Variants in MMGT1 observed in about 807,000 individuals in gnomAD.
MMGT1 encodes the protein ER membrane protein complex subunit 5.
A neutral mutation model predicts 11.7 loss-of-function variants in MMGT1; 2 were observed. The ratio of observed to expected loss-of-function variants is 0.17; its 90% CI spans 0.07 to 0.54. MMGT1 has a LOEUF of 0.54. Among genes scored for constraint, MMGT1 ranks in the 20% least tolerant of loss-of-function variants. The probability of loss-of-function intolerance (pLI) is 0.94; values close to 1 mark genes in which losing one functional copy is unlikely to be tolerated. For synonymous variants in MMGT1, 49 were observed against 44.4 expected (o/e 1.10, Z -0.41); for missense variants, 74 against 109.0 (o/e 0.68, Z 1.43).
rs370989215 is a variant in MMGT1, at chrX:135,961,613, T to C, written c.*3411A>G. On this transcript the variant is annotated 3_prime_UTR_variant, in exon 4 of 4. Transcript: ENST00000305963. ...CCTAGGTAGGTTTGAATACCGGTGG[T>C]GTTATTTTTCAAAATACTGTAGATA... Among the ~76,000 whole-genome samples the C allele has an allele frequency of 1.1e-4, 12 of 111,765 alleles. No individual in the cohort carries two copies. Among genetic ancestry groups the C allele is most frequent in the African/African-American group, 2.6e-4 (8 of 30,782 alleles).
intron 2 of MMGT1, among the ~76,000 whole-genome samples, chrX:135,970,282 GCT>G (rs1556612467): frequency 1.3e-4 from 14 of 110,268 alleles, no homozygotes; most frequent in African/African-American, 4.3e-4. Flanking sequence ...AAGGATAATT[GCT>G]TGAACCTGGG....
intron 1 of MMGT1, among the ~76,000 whole-genome samples, 162 bp from the exon 2 acceptor site, chrX:135,971,272 AAAACTT>A (rs1388368101): frequency 2.7e-5 from 3 of 111,591 alleles, no homozygotes; most frequent in Non-Finnish European, 3.8e-5. Flanking sequence ...CATGTACCCT[AAAACTT>A]AAAGTATAAT....
At chrX:135,969,098 T>C (rs1462869122) in intron 2 of MMGT1, among the ~76,000 whole-genome samples, 1 of 109,746 alleles carries the variant, frequency 9.1e-6, no homozygotes, top group African/African-American at 3.3e-5. Flanking sequence ...TATGGGCATG[T>C]TCAGATTATA....
At position 135,970,983 on chromosome X, in the gene MMGT1, G is replaced by GT. The variant is rs782750671; in HGVS notation, c.132+74dup. The GT allele has an allele frequency of 2.8e-4, 201 of 720,900 alleles. No homozygotes were observed. The African/African-American group carries it at 3.1e-3, about 11-fold the overall frequency. 59.4% of individuals were successfully genotyped at this position (720,900 alleles called of 1,213,427 possible). On this transcript the variant is annotated intron_variant, in intron 2 of 3. Coordinates refer to ENST00000305963, the MANE Select transcript of MMGT1 (RefSeq NM_173470.3). Reference sequence around the variant, plus strand: ...GTCTGAAAAATTTTACGAAAAACCAGTAAAAAAAAAATTATTACAAGCTAT... The same window carrying GT: ...GTCTGAAAAATTTTACGAAAAACCAGTTAAAAAAAAAATTATTACAAGCTAT...
rs2148122007 is a variant in MMGT1 at position 135,973,967 on chromosome X, G to T, written c.-292C>A. On this transcript the variant is annotated 5_prime_UTR_variant, in exon 1 of 4. Coordinates refer to ENST00000305963, the MANE Select transcript of MMGT1 (RefSeq NM_173470.3). ...AGTCATAAACGAAGAGGCGAAAGCGGGAGCTACGGGGAAGCGAAGAGGAAG... is the reference window on the plus strand; with the variant it reads ...AGTCATAAACGAAGAGGCGAAAGCGTGAGCTACGGGGAAGCGAAGAGGAAG... 7.6e-6 allele frequency: 8 copies of T among 1,054,874 alleles called. No homozygotes were observed. The highest frequency in any genetic ancestry group is 1.0e-5 in the Non-Finnish European group (8 of 797,722). The allele number at this position is 1,054,874 out of a possible 1,213,427, so 86.9% of individuals were successfully genotyped here. A position where few individuals can be genotyped will look rare whatever the true frequency, so the allele number is the denominator to read the frequency against.
At chrX:135,970,871 T>C (rs377735168) in intron 2 of MMGT1, among the ~76,000 whole-genome samples, 187 bp downstream of exon 2, 13 of 111,570 alleles carry the variant, frequency 1.2e-4, no homozygotes, top group African/African-American at 4.2e-4. Context: ...ATCAGGCCAC[T>C]GCACTCCAGC....
intron 3 of MMGT1, 23 bp downstream of exon 3, chrX:135,967,367 C>T (rs1556612085): frequency 5.5e-6 from 5 of 913,792 alleles, no homozygotes. Flanking sequence ...AAATGCAATG[C>T]CTATGAAAAG....
intron 1 of MMGT1, among the ~76,000 whole-genome samples, chrX:135,973,203 C>G (rs1365578093): frequency 8.9e-6 from 1 of 111,851 alleles, no homozygotes; most frequent in African/African-American, 3.3e-5. Context: ...ACTACTCAGT[C>G]TCTGCCTGGA....
At position 135,962,484 on chromosome X, in the gene MMGT1, T is replaced by A. The variant is rs1556611516; in HGVS notation, c.*2540A>T. On this transcript the variant is annotated 3_prime_UTR_variant, in exon 4 of 4. Coordinates refer to ENST00000305963, the MANE Select transcript of MMGT1 (RefSeq NM_173470.3). ...CATATTTTTGAACTACCCTAGGCAA[T>A]AATTGACTGTCTCACAGTACTGTAG... is the stretch of plus-strand genomic sequence containing the variant. 1 of 112,127 alleles carries A rather than the reference T, an allele frequency of 8.9e-6. No individual in the cohort carries two copies. Among genetic ancestry groups the A allele is most frequent in the African/African-American group, 3.2e-5 (1 of 30,825 alleles). 9.2% of individuals were successfully genotyped at this position (112,127 alleles called of 1,213,427 possible).
At chrX:135,970,081 C>T (rs1343612863) in intron 2 of MMGT1, among the ~76,000 whole-genome samples, 4 of 111,922 alleles carry the variant, frequency 3.6e-5, no homozygotes, top group African/African-American at 1.3e-4. Flanking sequence ...AAACACTTTC[C>T]TGGTCGGGCG....
chrX:135,967,636 G>T, intron 2 of MMGT1, 143 bp from the exon 3 acceptor site: 1 of 397,133 alleles, frequency 2.5e-6, no homozygotes, highest in East Asian at 4.3e-5. Flanking sequence ...TGAAATGACT[G>T]GGATTCAGAC....
At chrX:135,969,047 G>A (rs900493488) in intron 2 of MMGT1, among the ~76,000 whole-genome samples, 2 of 111,058 alleles carry the variant, frequency 1.8e-5, no homozygotes, top group Admixed American at 9.6e-5. Flanking sequence ...GAGGTTGAGC[G>A]AGCAAAAACG....
intron 3 of MMGT1, among the ~76,000 whole-genome samples, chrX:135,966,451 G>T (rs1018343573): frequency 9.0e-6 from 1 of 111,476 alleles, no homozygotes; most frequent in Admixed American, 9.6e-5. Flanking sequence ...AAAATTAGCC[G>T]GGCATGGCGG....
chrX:135,968,595 A>G (rs1556612247), intron 2 of MMGT1, among the ~76,000 whole-genome samples: 1 of 105,653 alleles, frequency 9.5e-6, no homozygotes, highest in African/African-American at 3.5e-5. Context: ...GCAGTGGTGC[A>G]ATCTCGGCTC....
rs1477073314 is a variant in MMGT1 at position 135,962,312 on chromosome X, C to T, written c.*2712G>A. 1 of 111,610 alleles carries T rather than the reference C, an allele frequency of 9.0e-6. No homozygotes were observed. The highest frequency in any genetic ancestry group is 3.3e-5 in the African/African-American group (1 of 30,688). 9.2% of individuals were successfully genotyped at this position (111,610 alleles called of 1,213,427 possible). A position where few individuals can be genotyped will look rare whatever the true frequency, so the allele number is the denominator to read the frequency against. On this transcript the variant is annotated 3_prime_UTR_variant, in exon 4 of 4. Coordinates refer to ENST00000305963, the MANE Select transcript of MMGT1 (RefSeq NM_173470.3). ...TTACAGAGAATAATCACCTCCAACTCATTGATATGCATATTCTGCGGCTGC... is the reference window on the plus strand; with the variant it reads ...TTACAGAGAATAATCACCTCCAACTTATTGATATGCATATTCTGCGGCTGC...
At position 135,965,113 on chromosome X, in the gene MMGT1, G is replaced by T; in HGVS notation, c.307C>A (p.Pro103Thr). ...FNHRGRVLFRPSDTANSSNQD... is the reference protein window; with the variant it reads ...FNHRGRVLFRTSDTANSSNQD... ...TTTGAAGAATTTGCTGTATCCGAAG[G>T]CCGGAAAAGTACTCGACCACGATGA... Residue 103 changes from proline to threonine, a missense_variant, in exon 4 of 4, where the codon CCT becomes ACT. Pro to Thr is a conservative substitution (Grantham distance 38). Around this residue, in one of 2 missense-constraint regions of MMGT1, gnomAD observed 34 missense variants for 29.3 expected, o/e 1.16. Transcript: ENST00000305963. 1 of 1,206,200 alleles carries T rather than the reference G, an allele frequency of 8.3e-7. No homozygotes were observed. Among genetic ancestry groups the T allele is most frequent in the Non-Finnish European group, 1.1e-6 (1 of 890,706 alleles).
intron 2 of MMGT1, among the ~76,000 whole-genome samples, chrX:135,968,002 G>A (rs1327290155): frequency 2.7e-5 from 3 of 111,010 alleles, no homozygotes; most frequent in Non-Finnish European, 3.8e-5. Flanking sequence ...ACAGGCATGC[G>A]CCACCACGCC....
intron 3 of MMGT1, among the ~76,000 whole-genome samples, chrX:135,966,935 G>T (rs1311411761): frequency 9.1e-6 from 1 of 110,409 alleles, no homozygotes; most frequent in African/African-American, 3.3e-5. Context: ...TCACATACTA[G>T]GTTCAAGTGA....
chrX:135,972,192 TAA>T (rs1320974839), intron 1 of MMGT1, among the ~76,000 whole-genome samples: 1 of 112,317 alleles, frequency 8.9e-6, no homozygotes, highest in South Asian at 3.7e-4. Context: ...GCATTATATA[TAA>T]AGAGGTCTCA....
Sources: allele counts gnomAD v4.1 joint callset (sites outside exome capture counted in the v4.1 genomes callset), GRCh38; gene constraint gnomAD v4.1.1; regional missense constraint gnomAD v4.1.1; transcripts MANE v1.5; gene names NCBI Gene and HGNC (gene_info 2026-07-23, HGNC 2026-07-21).